Variants in CRACR2A observed in about 807,000 individuals in gnomAD.
CRACR2A encodes calcium release activated channel regulator 2A.
In CRACR2A, 79 loss-of-function variants were observed where a neutral mutation model predicts 90.5. The observed-to-expected ratio is 0.87, with a 90% CI of 0.73 to 1.05. CRACR2A has a LOEUF of 1.05. Among genes scored for constraint, CRACR2A ranks in the 50% least tolerant of loss-of-function variants. CRACR2A has a pLI of 0.00. For missense variants in CRACR2A, 823 were observed against 897.2 expected, an observed-to-expected ratio of 0.92 and a Z score of 1.06; for synonymous variants, 338 against 356.7, an observed-to-expected ratio of 0.95 and a Z score of 0.59.
At chr12:3,636,667 C>G (rs1944459648) in intron 14 of CRACR2A, among the ~76,000 whole-genome samples, 1 of 152,178 alleles carries the variant, frequency 6.6e-6, no homozygotes, top group Non-Finnish European at 1.5e-5. Context: ...ATATAAGACC[C>G]TATTTGTACC....
At chr12:3,623,221 C>T (rs1944182494) in intron 17 of CRACR2A, among the ~76,000 whole-genome samples, 1 of 152,214 alleles carries the variant, frequency 6.6e-6, no homozygotes, top group African/African-American at 2.4e-5. Flanking sequence ...GTCACTTCCT[C>T]TTTTTGGATC....
At chr12:3,683,646 T>C (rs1425983491) in intron 4 of CRACR2A, among the ~76,000 whole-genome samples, 1 of 152,224 alleles carries the variant, frequency 6.6e-6, no homozygotes, top group Non-Finnish European at 1.5e-5. Flanking sequence ...TCTTTCCCAA[T>C]TAGCATTTTA....
Position 3,627,554 on chromosome 12 carries a change from C to T in CRACR2A, c.1818-4G>A, listed in dbSNP as rs1423713746. The stretch of plus-strand genomic sequence containing the variant: ...CTGCTGGGTGATGCACCGGTACCTG[C>T]CACAGAAGGGCCACGGGTCAGGCAT... On this transcript the variant is annotated splice_polypyrimidine_tract_variant and splice_region_variant and intron_variant, in intron 16 of 19. Coordinates refer to ENST00000440314, the MANE Select transcript of CRACR2A (RefSeq NM_001144958.2). 6.4e-7 allele frequency: 1 copy of T among 1,551,670 alleles called. No homozygotes were observed. Among genetic ancestry groups the T allele is most frequent in the Non-Finnish European group, 8.7e-7 (1 of 1,146,936 alleles).
chr12:3,674,248 G>A (rs1591677097), intron 6 of CRACR2A, among the ~76,000 whole-genome samples: 1 of 152,210 alleles, frequency 6.6e-6, no homozygotes, highest in African/African-American at 2.4e-5. Context: ...AGGGATGACT[G>A]ACAGGCAAAA....
At chr12:3,643,872 A>ATATATAATATATAT (rs1944630996) in intron 12 of CRACR2A, among the ~76,000 whole-genome samples, 3 of 70,594 alleles carry the variant, frequency 4.2e-5, no homozygotes, top group Non-Finnish European at 7.3e-5. Flanking sequence ...TATATATATT[A>ATATATAATATATAT]TATATATTTA....
At chr12:3,666,330 C>T (rs1002787941) in intron 7 of CRACR2A, among the ~76,000 whole-genome samples, 19 of 139,674 alleles carry the variant, frequency 1.4e-4, no homozygotes, top group East Asian at 9.4e-4. Flanking sequence ...AGGACGGCTG[C>T]GTGTGTGTGT....
intron 6 of CRACR2A, among the ~76,000 whole-genome samples, chr12:3,675,025 C>T (rs530312287): frequency 2.0e-5 from 3 of 152,068 alleles, no homozygotes; most frequent in African/African-American, 7.2e-5. Flanking sequence ...CGCTTATGAC[C>T]CTCGTTTTAT....
intron 4 of CRACR2A, among the ~76,000 whole-genome samples, chr12:3,686,427 C>A (rs2137647833): frequency 6.6e-6 from 1 of 152,306 alleles, no homozygotes; most frequent in African/African-American, 2.4e-5. Flanking sequence ...CTAAATGAGT[C>A]TTAAGTTTGG....
intron 2 of CRACR2A, among the ~76,000 whole-genome samples, chr12:3,716,043 G>A (rs1946077363): frequency 6.6e-6 from 1 of 151,788 alleles, no homozygotes; most frequent in Non-Finnish European, 1.5e-5. Flanking sequence ...GGACTCTCTG[G>A]TGACACTCTC....
At chr12:3,617,099 AG>A (rs1228964046) in intron 18 of CRACR2A, 69 bp from the exon 19 acceptor site, 3 of 1,226,612 alleles carry the variant, frequency 2.4e-6, no homozygotes. Context: ...GTGGTGGGAG[AG>A]CCCCCTTGTG....
Position 3,746,377 on chromosome 12 carries a change from A to C in CRACR2A, c.-387+6638T>G, listed in dbSNP as rs1591728986. ...GCTCTCTCTCTCTCTCTCTCTCCCCATCTCTCTCTCCTCCCTCTTCCCCAC... is the reference window on the plus strand; with the variant it reads ...GCTCTCTCTCTCTCTCTCTCTCCCCCTCTCTCTCTCCTCCCTCTTCCCCAC... On this transcript the variant is annotated intron_variant, in intron 1 of 19. Transcript: ENST00000440314. This position sits in a 1 kb window ranked among gnomAD's most constrained non-coding sequence, Gnocchi z 4.4. Among the ~76,000 whole-genome samples the C allele has an allele frequency of 6.9e-6, 1 of 144,302 alleles. No individual in the cohort carries two copies. The highest frequency in any genetic ancestry group is 2.6e-5 in the African/African-American group (1 of 38,448). The allele number at this position is 144,302 out of a possible 152,430, so 94.7% of individuals were successfully genotyped here.
At chr12:3,688,508 G>A (rs1165051121) in intron 4 of CRACR2A, among the ~76,000 whole-genome samples, 1 of 152,164 alleles carries the variant, frequency 6.6e-6, no homozygotes, top group East Asian at 1.9e-4. Flanking sequence ...TGGGTGTGCA[G>A]CCTTATTTCT....
At chr12:3,744,497 C>T (rs1288810598) in intron 1 of CRACR2A, among the ~76,000 whole-genome samples, 1 of 152,194 alleles carries the variant, frequency 6.6e-6, no homozygotes, top group Non-Finnish European at 1.5e-5. Flanking sequence ...AGTCCCAGCT[C>T]TGAAATTACA....
chr12:3,711,827 A>C lies in CRACR2A; in HGVS notation c.-37+1410T>G, dbSNP rs1008322441. 6.6e-6 allele frequency among the ~76,000 whole-genome samples: 1 copy of C among 152,238 alleles called. No individual in the cohort carries two copies. Among genetic ancestry groups the C allele is most frequent in the African/African-American group, 2.4e-5 (1 of 41,468 alleles). On this transcript the variant is annotated intron_variant, in intron 3 of 19. Coordinates refer to ENST00000440314, the MANE Select transcript of CRACR2A (RefSeq NM_001144958.2). The surrounding 1 kb of genome is among the most constrained non-coding windows in gnomAD (Gnocchi z 4.3). ...AATTCAGTATTAGTTAGAGTTTAAC[A>C]TACAAGATGCTATACTGAGGTGGAA...
chr12:3,738,725 C>A (rs115751936), intron 1 of CRACR2A, among the ~76,000 whole-genome samples: 2 of 152,114 alleles, frequency 1.3e-5, no homozygotes, highest in African/African-American at 4.8e-5. Flanking sequence ...TAAGAATTTT[C>A]TAAAGTGATG....
intron 3 of CRACR2A, among the ~76,000 whole-genome samples, chr12:3,697,813 G>T (rs1945768661): frequency 6.6e-6 from 1 of 152,158 alleles, no homozygotes; most frequent in Admixed American, 6.5e-5. Context: ...GGCCTGGTTT[G>T]GTGACACCCA....
At chr12:3,696,346 G>A (rs967658171) in intron 4 of CRACR2A, among the ~76,000 whole-genome samples, 2 of 152,206 alleles carry the variant, frequency 1.3e-5, no homozygotes, top group East Asian at 3.8e-4. Flanking sequence ...GCGAGACATG[G>A]GTAAAATGAC....
At chr12:3,653,044 A>G (rs1253506508) in intron 10 of CRACR2A, among the ~76,000 whole-genome samples, 2 of 151,760 alleles carry the variant, frequency 1.3e-5, no homozygotes, top group Non-Finnish European at 2.9e-5. Context: ...GTGCAGTGGC[A>G]CGATCTTGGC....
chr12:3,661,856 AT>A (rs1337611130), intron 7 of CRACR2A, among the ~76,000 whole-genome samples: 4 of 152,244 alleles, frequency 2.6e-5, no homozygotes, highest in African/African-American at 9.6e-5. Flanking sequence ...TGCTAAAGCA[AT>A]TCATATAAAG....
Sources: gnomAD v4.1 joint callset for allele counts (sites outside exome capture counted in the v4.1 genomes callset) on GRCh38, gnomAD v4.1.1 for gene constraint, Gnocchi (gnomAD v3.1) non-coding constraint, MANE v1.5 for transcripts, NCBI Gene and HGNC (gene_info 2026-07-23, HGNC 2026-07-21) for gene names.